Variants in PTPRD observed in about 807,000 individuals in gnomAD.
PTPRD encodes protein tyrosine phosphatase receptor type D.
In PTPRD, 34 loss-of-function variants were observed where a neutral mutation model predicts 214.5. That is an observed-to-expected ratio of 0.16 (90% confidence interval 0.12 to 0.21). The LOEUF is 0.21. Ranked by LOEUF, PTPRD falls within the 10% of genes least tolerant of loss-of-function variation. The pLI, the probability that PTPRD is intolerant of heterozygous loss-of-function variation, is 1.00. For synonymous variants in PTPRD, 1,128 were observed against 845.7 expected, an observed-to-expected ratio of 1.33 and a Z score of -5.79; for missense variants, 2,545 against 2,398.7, an observed-to-expected ratio of 1.06 and a Z score of -1.27.
At chr9:9,683,883 C>T (rs1027610853) in intron 7 of PTPRD, among the ~76,000 whole-genome samples, 1 of 151,318 alleles carries the variant, frequency 6.6e-6, no homozygotes, top group Non-Finnish European at 1.5e-5. Context: ...TCTAACATAC[C>T]AACTATTCTA....
At chr9:9,084,439 A>C (rs749158441) in intron 10 of PTPRD, among the ~76,000 whole-genome samples, 1 of 152,124 alleles carries the variant, frequency 6.6e-6, no homozygotes, top group Non-Finnish European at 1.5e-5. Context: ...GTATTAGCGG[A>C]AATAACTATT....
intron 8 of PTPRD, among the ~76,000 whole-genome samples, chr9:9,510,924 T>C (rs963067611): frequency 2.0e-5 from 3 of 151,770 alleles, no homozygotes; most frequent in African/African-American, 7.2e-5. Context: ...ATTTTCTCCA[T>C]TTAATTTTTC....
chr9:10,435,979 T>C (rs1446397143), intron 2 of PTPRD, among the ~76,000 whole-genome samples: 1 of 151,808 alleles, frequency 6.6e-6, no homozygotes, highest in Non-Finnish European at 1.5e-5. Context: ...ACAAATACAC[T>C]GTACAGAGAC....
chr9:9,776,955 G>C (rs1410855506), intron 5 of PTPRD, among the ~76,000 whole-genome samples: 2 of 151,948 alleles, frequency 1.3e-5, no homozygotes. Context: ...TAAATTCAGG[G>C]GATCAATTTT....
At chr9:8,590,289 T>C (rs777830246) in intron 14 of PTPRD, among the ~76,000 whole-genome samples, 1 of 152,076 alleles carries the variant, frequency 6.6e-6, no homozygotes, top group Non-Finnish European at 1.5e-5. Flanking sequence ...GGAGGTAATA[T>C]AAGTGTGGAT....
chr9:9,468,566 T>C (rs978874751), intron 8 of PTPRD, among the ~76,000 whole-genome samples: 1 of 152,084 alleles, frequency 6.6e-6, no homozygotes, highest in Non-Finnish European at 1.5e-5. Flanking sequence ...ATATCAGTTA[T>C]TAATATTCAA....
At position 10,531,116 on chromosome 9, in the gene PTPRD, A is replaced by C. The variant is rs564920235; in HGVS notation, c.-600+81282T>G. ...AGGTGCAAGCCACCACGCCCGGCTA[A>C]TTTTTGTATTTTTAGTAGAGACGGG... On this transcript the variant is annotated intron_variant, in intron 2 of 45. Transcript: ENST00000381196. Among the ~76,000 whole-genome samples, 130 of 152,084 alleles carry C rather than the reference A, an allele frequency of 8.5e-4. 1 individual carries two copies. The highest frequency in any genetic ancestry group is 3.0e-3 in the Admixed American group (46 of 15,260).
At chr9:10,179,222 T>G (rs533386043) in intron 3 of PTPRD, among the ~76,000 whole-genome samples, 1 of 151,784 alleles carries the variant, frequency 6.6e-6, no homozygotes, top group South Asian at 2.1e-4. Flanking sequence ...AAAAAGAACT[T>G]TGAGCCAGGA....
intron 8 of PTPRD, among the ~76,000 whole-genome samples, chr9:9,426,746 T>A (rs1472899303): frequency 6.6e-6 from 1 of 152,114 alleles, no homozygotes; most frequent in Non-Finnish European, 1.5e-5. Context: ...TTTGCCGTTC[T>A]GCAATATTCA....
intron 21 of PTPRD, among the ~76,000 whole-genome samples, chr9:8,508,414 A>G (rs2097584089): frequency 1.3e-5 from 2 of 152,164 alleles, no homozygotes; most frequent in South Asian, 4.1e-4. Flanking sequence ...CTAATCGTAC[A>G]TTGTTCTTGG....
chr9:9,076,700 G>A (rs1462870657), intron 10 of PTPRD, among the ~76,000 whole-genome samples: 2 of 151,988 alleles, frequency 1.3e-5, no homozygotes, highest in African/African-American at 2.4e-5. Context: ...TTCATCTGAG[G>A]ATGGACATTA....
chr9:10,575,157 T>C (rs550848798), intron 2 of PTPRD, among the ~76,000 whole-genome samples: 16 of 152,136 alleles, frequency 1.1e-4, no homozygotes, highest in African/African-American at 3.9e-4. Context: ...TCCCAATTAT[T>C]TGACACTGTA....
At chr9:8,921,273 G>C (rs1394769172) in intron 11 of PTPRD, among the ~76,000 whole-genome samples, 1 of 152,150 alleles carries the variant, frequency 6.6e-6, no homozygotes, top group African/African-American at 2.4e-5. Flanking sequence ...ATTTTAGGCA[G>C]TGATTCTTCC....
At chr9:9,933,497 G>A (rs1399874126) in intron 5 of PTPRD, among the ~76,000 whole-genome samples, 2 of 151,794 alleles carry the variant, frequency 1.3e-5, no homozygotes, top group African/African-American at 2.4e-5. Context: ...TTACATAGTG[G>A]TAAAGGGATC....
intron 6 of PTPRD, among the ~76,000 whole-genome samples, chr9:9,735,929 G>C (rs1010603296): frequency 6.6e-6 from 1 of 152,062 alleles, no homozygotes; most frequent in African/African-American, 2.4e-5. Flanking sequence ...TTATCACAAA[G>C]TCAATGCTCA....
chr9:10,044,938 G>C (rs1158423938), intron 3 of PTPRD, among the ~76,000 whole-genome samples: 2 of 151,630 alleles, frequency 1.3e-5, no homozygotes, highest in Non-Finnish European at 3.0e-5. Flanking sequence ...ATTTCAATGA[G>C]AGTCAACTAA....
At chr9:8,737,653 G>T (rs946300271) in intron 11 of PTPRD, among the ~76,000 whole-genome samples, 1 of 151,992 alleles carries the variant, frequency 6.6e-6, no homozygotes, top group African/African-American at 2.4e-5. Flanking sequence ...TATATGTTCT[G>T]CTCCTTCTTT....
At chr9:9,155,612 C>T (rs1203850851) in intron 10 of PTPRD, among the ~76,000 whole-genome samples, 1 of 152,124 alleles carries the variant, frequency 6.6e-6, no homozygotes, top group Non-Finnish European at 1.5e-5. Flanking sequence ...TAAGTGAAGA[C>T]ATTACTCATT....
At chr9:8,940,140 C>A (rs1023317887) in intron 11 of PTPRD, among the ~76,000 whole-genome samples, 2 of 151,734 alleles carry the variant, frequency 1.3e-5, no homozygotes, top group African/African-American at 4.8e-5. Flanking sequence ...ATATTTCAGT[C>A]TGTCAAGACC....
Sources: allele counts gnomAD v4.1 joint callset (sites outside exome capture counted in the v4.1 genomes callset), GRCh38; gene constraint gnomAD v4.1.1; transcripts MANE v1.5; gene names NCBI Gene and HGNC (gene_info 2026-07-23, HGNC 2026-07-21).